Variants in SULF2 observed in about 807,000 individuals in gnomAD.
SULF2 encodes extracellular sulfatase Sulf-2.
A neutral mutation model predicts 107.7 loss-of-function variants in SULF2; 52 were observed. The ratio of observed to expected loss-of-function variants is 0.48; its 90% CI spans 0.39 to 0.61. The LOEUF is 0.61. Among genes scored for constraint, SULF2 ranks in the 20% least tolerant of loss-of-function variants. The pLI is 0.00. For missense variants in SULF2, 993 were observed against 1,177.3 expected, an observed-to-expected ratio of 0.84 and a Z score of 2.29; for synonymous variants, 460 against 464.3, an observed-to-expected ratio of 0.99 and a Z score of 0.12.
intron 2 of SULF2, among the ~76,000 whole-genome samples, chr20:47,741,941 G>A (rs576803840): frequency 5.9e-5 from 9 of 152,182 alleles, no homozygotes; most frequent in African/African-American, 9.6e-5. Context: ...CCAGGGTCTC[G>A]AAATGCTTAG....
chr20:47,676,954 C>A, intron 9 of SULF2, 124 bp downstream of exon 9: 1 of 1,027,640 alleles, frequency 9.7e-7, no homozygotes, highest in Non-Finnish European at 1.5e-6. Flanking sequence ...TGTTTAGGGG[C>A]CTTTGGACCA....
rs770109846 is a variant in SULF2, at chr20:47,666,435, C to G, written c.1630G>C (p.Val544Leu). 1 of 1,613,734 alleles carries G rather than the reference C, an allele frequency of 6.2e-7. No homozygotes were observed. Among genetic ancestry groups the G allele is most frequent in the African/African-American group, 1.3e-5 (1 of 74,940 alleles). Residue 544 changes from valine (V) to leucine (L), a missense_variant, in exon 12 of 21, where the codon GTG becomes CTG. By Grantham distance (32) the Val-to-Leu change is conservative. Around this residue, in one of 3 missense-constraint regions of SULF2, gnomAD observed 497 missense variants for 544.1 expected, o/e 0.91. Transcript: ENST00000688720. This position sits in a 1 kb window ranked among gnomAD's most constrained non-coding sequence, Gnocchi z 5.4. The part of the protein sequence containing the change: ...SRSIRSVAIE[V>L]DGRVYHVGLG... ...CCTACGTGGTACACCCTGCCGTCCA[C>G]CTCGATGGCCACTGAGCGGATGGAG...
intron 2 of SULF2, among the ~76,000 whole-genome samples, chr20:47,739,709 G>C (rs1416333889): frequency 6.6e-6 from 1 of 152,172 alleles, no homozygotes; most frequent in Admixed American, 6.5e-5. Flanking sequence ...TCACCACAAG[G>C]GCAGAGACTC....
At chr20:47,690,881 A>AAAG (rs2088176021) in intron 4 of SULF2, among the ~76,000 whole-genome samples, 1 of 151,914 alleles carries the variant, frequency 6.6e-6, no homozygotes, top group Non-Finnish European at 1.5e-5. Flanking sequence ...AAAAAAAAAA[A>AAAG]AAGATATTAA....
intron 1 of SULF2, among the ~76,000 whole-genome samples, chr20:47,778,775 G>A (rs1482135035): frequency 6.6e-6 from 1 of 152,206 alleles, no homozygotes; most frequent in East Asian, 1.9e-4. Context: ...TGTCAGAGAG[G>A]TGAGCATGTG....
chr20:47,660,676 A>AT (rs1489140824), intron 18 of SULF2, among the ~76,000 whole-genome samples: 1 of 152,020 alleles, frequency 6.6e-6, no homozygotes, highest in African/African-American at 2.4e-5. Flanking sequence ...TGGTGCTATC[A>AT]TAGCTCACTG....
chr20:47,754,437 G>T (rs1329928981), intron 2 of SULF2, among the ~76,000 whole-genome samples: 3 of 152,134 alleles, frequency 2.0e-5, no homozygotes, highest in Non-Finnish European at 4.4e-5. Flanking sequence ...TCTGTCTAGT[G>T]GTTTATAAAA....
intron 11 of SULF2, 145 bp downstream of exon 11, chr20:47,672,053 G>A (rs1330884739): frequency 8.9e-6 from 7 of 788,444 alleles, no homozygotes; most frequent in South Asian, 7.4e-5. Flanking sequence ...TGGGTGGCTC[G>A]TGAGGAGATG....
At chr20:47,665,430 C>G (rs1602585638) in intron 13 of SULF2, 137 bp from the exon 14 acceptor site, 2 of 691,176 alleles carry the variant, frequency 2.9e-6, no homozygotes, top group African/African-American at 1.8e-5. Flanking sequence ...AGGGCAAGCA[C>G]CGGCATGTCT....
At chr20:47,663,912 C>T (rs567880908) in intron 15 of SULF2, among the ~76,000 whole-genome samples, 1 of 152,198 alleles carries the variant, frequency 6.6e-6, no homozygotes, top group Non-Finnish European at 1.5e-5. Flanking sequence ...GTGTCCTGCC[C>T]TGCTTGGTGG....
rs781398859 is a variant in SULF2 at position 47,684,525 on chromosome 20, G to T, written c.794C>A (p.Thr265Lys). The change falls in exon 6 of 21, where the codon ACG becomes AAG. Residue 265 changes from threonine (T) to lysine (K), a missense_variant. Physicochemically the swap from Thr to Lys is moderately conservative, Grantham distance 78. Around this residue, in one of 3 missense-constraint regions of SULF2, gnomAD observed 388 missense variants for 449.2 expected, o/e 0.86. Coordinates refer to ENST00000688720, the MANE Select transcript of SULF2 (RefSeq NM_001387048.1). ...CATGTGGATGGGCTTCATGGGCCCC[G>T]TGTAGCGCATGATCCAGTGTTTGTC... ...NPDKHWIMRY[T>K]GPMKPIHMEF... 5 of 1,613,974 alleles carry T rather than the reference G, an allele frequency of 3.1e-6. No individual in the cohort carries two copies. In the Admixed American group the frequency reaches 6.7e-5, roughly 22 times the overall value.
At chr20:47,725,221 G>A (rs2089407376) in intron 3 of SULF2, among the ~76,000 whole-genome samples, 1 of 152,120 alleles carries the variant, frequency 6.6e-6, no homozygotes, top group South Asian at 2.1e-4. Context: ...ATGACTCTTG[G>A]GAAAGTTTTG....
intron 3 of SULF2, among the ~76,000 whole-genome samples, chr20:47,712,547 C>A (rs1478711752): frequency 6.6e-6 from 1 of 152,210 alleles, no homozygotes; most frequent in African/African-American, 2.4e-5. Flanking sequence ...AGGCAGGAGC[C>A]GTGCTGCACT....
rs1251749377 is a variant in SULF2, at chr20:47,684,467, C to T, written c.852G>A (p.Leu284=). Residue 284 remains leucine (L), a synonymous_variant, in exon 6 of 21, where the codon TTG becomes TTA. Transcript: ENST00000688720. ...EFTNMLQRKR[L]QTLMSVDDSM... Reference sequence around the variant, plus strand: ...AGTCGTCCACCGACATGAGGGTCTGCAAGCGCTTCCGCTGGAGCATGTTGG... The same window carrying T: ...AGTCGTCCACCGACATGAGGGTCTGTAAGCGCTTCCGCTGGAGCATGTTGG... 6.2e-7 allele frequency: 1 copy of T among 1,613,594 alleles called. No individual in the cohort carries two copies. Among genetic ancestry groups the T allele is most frequent in the Admixed American group, 1.7e-5 (1 of 59,976 alleles).
intron 2 of SULF2, 38 bp downstream of exon 2, chr20:47,757,151 G>A (rs751824796): frequency 9.2e-6 from 14 of 1,518,382 alleles, no homozygotes; most frequent in East Asian, 4.9e-5. Flanking sequence ...ACCCTGCTCC[G>A]AGGGGCCGAG....
intron 19 of SULF2, 94 bp from the exon 20 acceptor site, chr20:47,659,546 A>G: frequency 1.4e-6 from 2 of 1,439,054 alleles, no homozygotes; most frequent in Non-Finnish European, 2.0e-6. Context: ...CTCCTAGGTG[A>G]CACCTATCTT....
chr20:47,659,336 A>G, intron 20 of SULF2, 63 bp downstream of exon 20: 1 of 1,438,780 alleles, frequency 7.0e-7, no homozygotes, highest in South Asian at 1.1e-5. Context: ...CAAATAGAAT[A>G]GCATTGGCAA....
Position 47,756,260 on chromosome 20 carries a change from C to T in SULF2, c.175+929G>A, listed in dbSNP as rs534704652. Among the ~76,000 whole-genome samples, 4 of 152,254 alleles carry T rather than the reference C, an allele frequency of 2.6e-5. No homozygotes were observed. In the South Asian group the frequency reaches 8.3e-4, roughly 32 times the overall value. On this transcript the variant is annotated intron_variant, in intron 2 of 20. Coordinates refer to ENST00000688720, the MANE Select transcript of SULF2 (RefSeq NM_001387048.1). ...AGACTCCCCATAGTTATCAAATGCG[C>T]CTCATTCTAAATGCTGCCAGGAGAT...
intron 1 of SULF2, among the ~76,000 whole-genome samples, chr20:47,765,461 C>T (rs1206370439): frequency 6.6e-6 from 1 of 151,302 alleles, no homozygotes; most frequent in Non-Finnish European, 1.5e-5. Context: ...CAGAAGGCGG[C>T]ATTGGTCAGA....
Sources: gnomAD v4.1 joint callset for allele counts (sites outside exome capture counted in the v4.1 genomes callset) on GRCh38, gnomAD v4.1.1 for gene constraint, gnomAD v4.1.1 regional missense constraint, Gnocchi (gnomAD v3.1) non-coding constraint, MANE v1.5 for transcripts, NCBI Gene and HGNC (gene_info 2026-07-23, HGNC 2026-07-21) for gene names.